Variants in KIAA1328 observed in about 807,000 individuals in gnomAD.
KIAA1328 encodes KIAA1328.
In KIAA1328, 52 loss-of-function variants were observed where a neutral mutation model predicts 68.1. The ratio of observed to expected loss-of-function variants is 0.76; its 90% CI spans 0.61 to 0.96. The LOEUF is 0.96. KIAA1328 is among the 40% of genes least tolerant of loss of function. KIAA1328 has a pLI of 0.00. For synonymous variants in KIAA1328, 232 were observed against 239.4 expected, an observed-to-expected ratio of 0.97 and a Z score of 0.28; for missense variants, 641 against 677.6, an observed-to-expected ratio of 0.95 and a Z score of 0.60.
downstream of KIAA1328, among the ~76,000 whole-genome samples, chr18:37,227,268 C>T (rs915777308): frequency 3.3e-5 from 5 of 152,156 alleles, no homozygotes; most frequent in Admixed American, 6.5e-5. Context: ...ATAGAAGCTA[C>T]GGCAAGTTAT....
chr18:36,893,247 T>C (rs996155064), intron 5 of KIAA1328, among the ~76,000 whole-genome samples: 1 of 152,072 alleles, frequency 6.6e-6, no homozygotes, highest in Non-Finnish European at 1.5e-5. Flanking sequence ...TTACTTTCTC[T>C]CTCTTTTTCT....
intron 7 of KIAA1328, among the ~76,000 whole-genome samples, chr18:37,097,214 A>T (rs979400949): frequency 2.6e-5 from 4 of 152,190 alleles, no homozygotes; most frequent in African/African-American, 9.7e-5. Flanking sequence ...TAGGTCTAAC[A>T]TTTAAGTCTT....
At chr18:36,949,573 AT>A (rs1568202609) in intron 5 of KIAA1328, among the ~76,000 whole-genome samples, 1 of 141,854 alleles carries the variant, frequency 7.0e-6, no homozygotes, top group Non-Finnish European at 1.5e-5. Flanking sequence ...AAGCACCTCA[AT>A]TTCAAGTCTG....
chr18:36,956,676 G>A (rs562803344), intron 5 of KIAA1328, among the ~76,000 whole-genome samples: 6 of 152,158 alleles, frequency 3.9e-5, no homozygotes, highest in Non-Finnish European at 5.9e-5. Flanking sequence ...TGTTTCAAAC[G>A]CTGACATTTT....
chr18:37,080,020 G>A (rs1456338372), intron 7 of KIAA1328, among the ~76,000 whole-genome samples: 2 of 152,078 alleles, frequency 1.3e-5, no homozygotes, highest in East Asian at 3.9e-4. Context: ...AGATTTTTGT[G>A]GATTGAACAA....
At chr18:36,936,421 C>T (rs2050501814) in intron 5 of KIAA1328, among the ~76,000 whole-genome samples, 1 of 152,136 alleles carries the variant, frequency 6.6e-6, no homozygotes, top group Non-Finnish European at 1.5e-5. Context: ...TGATGGCTTC[C>T]ATCTTCATCC....
At chr18:36,885,425 C>A in intron 4 of KIAA1328, 132 bp from the exon 5 acceptor site, 1 of 486,912 alleles carries the variant, frequency 2.1e-6, no homozygotes, top group South Asian at 5.3e-5. Context: ...AAAGCAACAA[C>A]AAAACAGAAC....
intron 9 of KIAA1328, among the ~76,000 whole-genome samples, chr18:37,199,811 C>A (rs1460083258): frequency 6.6e-6 from 1 of 152,152 alleles, no homozygotes; most frequent in African/African-American, 2.4e-5. Context: ...GATGGCATCT[C>A]ATTGTGGTTT....
intron 6 of KIAA1328, among the ~76,000 whole-genome samples, chr18:37,039,653 C>T (rs322653): frequency 0.74 from 112,126 of 151,956 alleles, 44,241 homozygotes; most frequent in South Asian, 0.89. Flanking sequence ...CCTCGTGATC[C>T]GCCCGCCTCG....
chr18:37,160,415 AC>A, intron 8 of KIAA1328, 34 bp downstream of exon 8: 2 of 1,573,212 alleles, frequency 1.3e-6, no homozygotes, highest in Non-Finnish European at 1.7e-6. Context: ...AAAATGAGAA[AC>A]TGGTAGGGGA....
intron 6 of KIAA1328, among the ~76,000 whole-genome samples, chr18:37,025,557 G>T (rs1049934415): frequency 2.0e-5 from 3 of 152,124 alleles, no homozygotes; most frequent in African/African-American, 7.2e-5. Flanking sequence ...CTAGAGCTCA[G>T]GATTAAGAAA....
chr18:36,850,611 G>A (rs1384693457), intron 4 of KIAA1328, among the ~76,000 whole-genome samples: 1 of 152,066 alleles, frequency 6.6e-6, no homozygotes, highest in Non-Finnish European at 1.5e-5. Flanking sequence ...AGAACAATAT[G>A]CCAGCATCAC....
intron 6 of KIAA1328, among the ~76,000 whole-genome samples, chr18:36,964,251 G>A (rs894991108): frequency 6.6e-6 from 1 of 152,182 alleles, no homozygotes; most frequent in African/African-American, 2.4e-5. Flanking sequence ...GCACAAATAT[G>A]CTAGAGATGG....
intron 9 of KIAA1328, among the ~76,000 whole-genome samples, chr18:37,182,745 T>C (rs2059721525): frequency 6.6e-6 from 1 of 152,172 alleles, no homozygotes; most frequent in Non-Finnish European, 1.5e-5. Context: ...TTACTTTACC[T>C]CCATTTGCCC....
chr18:37,062,899 A>T (rs1019814698), intron 6 of KIAA1328, among the ~76,000 whole-genome samples: 1 of 152,166 alleles, frequency 6.6e-6, no homozygotes, highest in African/African-American at 2.4e-5. Flanking sequence ...GATTACCACT[A>T]ACCTGGTAAT....
At chr18:37,124,215 A>G (rs369276417) in intron 7 of KIAA1328, among the ~76,000 whole-genome samples, 4 of 152,188 alleles carry the variant, frequency 2.6e-5, no homozygotes, top group Admixed American at 2.0e-4. Context: ...ATAAAAAGAG[A>G]TGTTTGGAAA....
chr18:36,864,046 G>A (rs1240703632), intron 4 of KIAA1328, among the ~76,000 whole-genome samples: 1 of 152,170 alleles, frequency 6.6e-6, no homozygotes, highest in Non-Finnish European at 1.5e-5. Context: ...CCAGTGCTAT[G>A]TGAGTAAGAA....
intron 5 of KIAA1328, among the ~76,000 whole-genome samples, chr18:36,892,000 A>G (rs1003397680): frequency 6.6e-6 from 1 of 152,258 alleles, no homozygotes; most frequent in African/African-American, 2.4e-5. Flanking sequence ...AGATTTTTAT[A>G]TGATTATGTG....
At chr18:37,026,049 C>T (rs1028133804) in intron 6 of KIAA1328, among the ~76,000 whole-genome samples, 9 of 152,068 alleles carry the variant, frequency 5.9e-5, no homozygotes, top group Non-Finnish European at 4.4e-5. Context: ...ATATCACCAC[C>T]AATCCCACAG....
Sources: gnomAD v4.1 joint callset for allele counts (sites outside exome capture counted in the v4.1 genomes callset) on GRCh38, gnomAD v4.1.1 for gene constraint, MANE v1.5 for transcripts, NCBI Gene and HGNC (gene_info 2026-07-23, HGNC 2026-07-21) for gene names.